MGA: variants seen among roughly 807,000 people sequenced by gnomAD.
MGA encodes MAX dimerization protein MGA, also known as MAX gene-associated protein.
A neutral mutation model predicts 261.1 loss-of-function variants in MGA; 40 were observed. The ratio of observed to expected loss-of-function variants is 0.15; its 90% CI spans 0.12 to 0.20. The LOEUF (loss-of-function observed/expected upper bound fraction) is 0.20. Ranked by LOEUF, MGA falls within the 10% of genes least tolerant of loss-of-function variation. The pLI is 1.00. For missense variants in MGA, 3,397 were observed against 3,630.5 expected (o/e 0.94, Z 1.65); for synonymous variants, 1,302 against 1,290.6 (o/e 1.01, Z -0.19).
At chr15:41,725,151 T>C (rs1253021717) in intron 9 of MGA, among the ~76,000 whole-genome samples, 1 of 152,188 alleles carries the variant, frequency 6.6e-6, no homozygotes, top group Non-Finnish European at 1.5e-5. Flanking sequence ...ACGGCTGCTT[T>C]ATGGGAATGG....
chr15:41,660,393 G>C (rs1361245992), upstream of MGA: 2 of 152,644 alleles, frequency 1.3e-5, no homozygotes, highest in Non-Finnish European at 2.9e-5. Context: ...GCGCGTGCGC[G>C]GTGACGTGGA....
At chr15:41,669,988 T>C (rs941791186) in intron 2 of MGA, 30 bp downstream of exon 2, 2 of 1,551,940 alleles carry the variant, frequency 1.3e-6, no homozygotes, top group Admixed American at 3.7e-5. Context: ...TTCTTAGAAA[T>C]AAAAGGAAGA....
At chr15:41,728,623 C>G (rs976127142) in intron 10 of MGA, among the ~76,000 whole-genome samples, 1 of 152,114 alleles carries the variant, frequency 6.6e-6, no homozygotes, top group East Asian at 1.9e-4. Flanking sequence ...GGTCTTCATA[C>G]TATCTTCACA....
At chr15:41,657,276 G>T (rs1041744015), upstream of MGA, among the ~76,000 whole-genome samples, 2 of 148,344 alleles carry the variant, frequency 1.3e-5, no homozygotes, top group Non-Finnish European at 3.0e-5. Flanking sequence ...GGATGGAGTT[G>T]TCTATGATTC....
chr15:41,764,922 C>A lies in MGA; in HGVS notation c.7781C>A (p.Ala2594Asp). ...CCCTTGAACACTCCACACACCTCTG[C>A]CAACCTTGTGATGACTCCGCAAGGG... Residue 2594 changes from alanine (A) to aspartate (D), a missense_variant, in exon 23 of 24, where the codon GCC (alanine) becomes GAC (aspartate). Coordinates refer to ENST00000219905, the MANE Select transcript of MGA (RefSeq NM_001164273.2). 6.2e-7 allele frequency: 1 copy of A among 1,614,038 alleles called. No individual in the cohort carries two copies. The highest frequency in any genetic ancestry group is 8.5e-7 in the Non-Finnish European group (1 of 1,179,896).
In MGA at chr15:41,727,230, G is replaced by A; in HGVS notation, c.3481G>A (p.Val1161Ile). 2.5e-6 allele frequency: 4 copies of A among 1,613,902 alleles called. No homozygotes were observed. Among genetic ancestry groups the A allele is most frequent in the Non-Finnish European group, 3.4e-6 (4 of 1,179,894 alleles). Residue 1161 changes from valine to isoleucine, a missense_variant, in exon 10 of 24, where the codon GTA becomes ATA. By Grantham distance (29) the Val-to-Ile change is conservative (BLOSUM62 3). This residue lies in a region of MGA where 519 missense variants were observed against 554.1 expected (regional missense o/e 0.94). Coordinates refer to ENST00000219905, the MANE Select transcript of MGA (RefSeq NM_001164273.2). ...GCCTGTTCGACATTACCCATTATGGGTAAAAGTAGAAGGTGAAGTAGATCC... is the reference window on the plus strand; with the variant it reads ...GCCTGTTCGACATTACCCATTATGGATAAAAGTAGAAGGTGAAGTAGATCC...
At chr15:41,663,798 G>C (rs1451039987) in intron 1 of MGA, among the ~76,000 whole-genome samples, 1 of 152,048 alleles carries the variant, frequency 6.6e-6, no homozygotes, top group Non-Finnish European at 1.5e-5. Flanking sequence ...AAGTACATTT[G>C]AGTTTTGCGG....
chr15:41,708,996 G>A (rs2060250860), intron 7 of MGA, among the ~76,000 whole-genome samples: 1 of 152,224 alleles, frequency 6.6e-6, no homozygotes, highest in Non-Finnish European at 1.5e-5. Context: ...TCTTTTCACA[G>A]TATTTATAAC....
chr15:41,641,381 C>T (rs1159787839), intron 1 of MGA, among the ~76,000 whole-genome samples: 1 of 151,896 alleles, frequency 6.6e-6, no homozygotes, highest in Non-Finnish European at 1.5e-5. Flanking sequence ...TATGGTATCT[C>T]CATGCTTAAC....
intron 2 of MGA, among the ~76,000 whole-genome samples, chr15:41,671,925 T>C (rs1566956957): frequency 6.6e-6 from 1 of 152,238 alleles, no homozygotes; most frequent in Non-Finnish European, 1.5e-5. Context: ...GTGGTATTGT[T>C]TGTAATTGCA....
chr15:41,760,659 A>G, intron 20 of MGA, 130 bp downstream of exon 20: 1 of 825,074 alleles, frequency 1.2e-6, no homozygotes, highest in Non-Finnish European at 1.9e-6. Context: ...ATGAATATGG[A>G]CTAGTGAATG....
intron 12 of MGA, among the ~76,000 whole-genome samples, chr15:41,735,400 C>T (rs1206709543): frequency 6.6e-6 from 1 of 152,148 alleles, no homozygotes; most frequent in Non-Finnish European, 1.5e-5. Flanking sequence ...AGAAGTAATT[C>T]AGAGGTATTT....
At chr15:41,673,083 T>G (rs1240786712) in intron 2 of MGA, among the ~76,000 whole-genome samples, 83 of 152,334 alleles carry the variant, frequency 5.4e-4, no homozygotes, top group Non-Finnish European at 5.9e-5. Flanking sequence ...ATTCACGTGG[T>G]TCTCCTAACT....
At chr15:41,647,311 T>G (rs2056953823) in intron 1 of MGA, among the ~76,000 whole-genome samples, 1 of 152,224 alleles carries the variant, frequency 6.6e-6, no homozygotes, top group African/African-American at 2.4e-5. Flanking sequence ...CACTTACATT[T>G]ATAGTTTGAA....
rs1394370950 is a variant in MGA at position 41,767,418 on chromosome 15, G to A, written c.*138G>A. 4.5e-6 allele frequency: 4 copies of A among 897,772 alleles called. No homozygotes were observed. The highest frequency in any genetic ancestry group is 5.0e-6 in the Non-Finnish European group (3 of 594,616). 55.6% of individuals were successfully genotyped at this position (897,772 alleles called of 1,614,324 possible). A position where few individuals can be genotyped will look rare whatever the true frequency, so the allele number is the denominator to read the frequency against. ...ATGCAGTGGATAATGATGGGAGAAA[G>A]GGGGTAGGGTGCTGACCCTGGTATA... is the stretch of plus-strand genomic sequence containing the variant. On this transcript the variant is annotated 3_prime_UTR_variant, in exon 24 of 24. Transcript: ENST00000219905.
upstream of MGA, among the ~76,000 whole-genome samples, chr15:41,657,260 G>A (rs1045473004): frequency 6.6e-6 from 1 of 151,846 alleles, no homozygotes; most frequent in African/African-American, 2.4e-5. Context: ...ACTAAATGGT[G>A]GGCAAGGATG....
At chr15:41,649,963 GAGCCACCGCGCCC>G (rs2150703617) in intron 1 of MGA, among the ~76,000 whole-genome samples, 1 of 152,308 alleles carries the variant, frequency 6.6e-6, no homozygotes, top group East Asian at 1.9e-4. Context: ...TTACAGGCGT[GAGCCACCGCGCCC>G]AGCCTTCCAC....
intron 22 of MGA, among the ~76,000 whole-genome samples, chr15:41,762,780 T>G (rs1161181359): frequency 6.6e-6 from 1 of 152,078 alleles, no homozygotes; most frequent in Non-Finnish European, 1.5e-5. Flanking sequence ...ACAGTTTTAG[T>G]TTTAATTAAA....
chr15:41,693,698 G>A (rs1158229939), intron 2 of MGA, among the ~76,000 whole-genome samples: 1 of 152,074 alleles, frequency 6.6e-6, no homozygotes, highest in Admixed American at 6.6e-5. Context: ...GTATACTGCA[G>A]GTTATTGTTT....
Sources: gnomAD v4.1 joint callset for allele counts (sites outside exome capture counted in the v4.1 genomes callset) on GRCh38, gnomAD v4.1.1 for gene constraint, gnomAD v4.1.1 regional missense constraint, MANE v1.5 for transcripts, NCBI Gene and HGNC (gene_info 2026-07-23, HGNC 2026-07-21) for gene names.